The following STK32B variants were observed in gnomAD, a reference collection of about 807,000 sequenced individuals.
STK32B encodes serine/threonine kinase 32B.
Under a neutral mutation model 52.6 loss-of-function variants are expected in STK32B, and 43 were observed. The observed-to-expected ratio is 0.82, with a 90% CI of 0.64 to 1.05. STK32B has a LOEUF of 1.05. STK32B is among the 50% of genes least tolerant of loss of function. The pLI, the probability that STK32B is intolerant of heterozygous loss-of-function variation, is 0.00. For synonymous variants in STK32B, 238 were observed against 204.3 expected (o/e 1.17, Z -1.41); for missense variants, 621 against 534.6 (o/e 1.16, Z -1.59).
chr4:5,395,036 T>C lies in STK32B; in HGVS notation c.435-3171T>C, dbSNP rs1736798196. 6.6e-6 allele frequency among the ~76,000 whole-genome samples: 1 copy of C among 152,150 alleles called. No homozygotes were observed. Among genetic ancestry groups the C allele is most frequent in the Admixed American group, 6.5e-5 (1 of 15,274 alleles). On this transcript the variant is annotated intron_variant, in intron 4 of 11. Coordinates refer to ENST00000282908, the MANE Select transcript of STK32B (RefSeq NM_018401.3). This position sits in a 1 kb window ranked among gnomAD's most constrained non-coding sequence, Gnocchi z 4.4. The stretch of plus-strand genomic sequence containing the variant: ...GGGGTGGGGTTCTCTCCCAGGCTCT[T>C]GTGGTTGTTGGCAGATTTCAGCTCT...
At chr4:5,049,882 C>T (rs563789881), upstream of STK32B, among the ~76,000 whole-genome samples, 8 of 152,256 alleles carry the variant, frequency 5.3e-5, no homozygotes, top group South Asian at 1.3e-3. Flanking sequence ...CCCCCACGCC[C>T]GGCCTAGCAC....
chr4:5,190,807 T>C (rs979462836), intron 3 of STK32B, among the ~76,000 whole-genome samples: 1 of 152,042 alleles, frequency 6.6e-6, no homozygotes, highest in Non-Finnish European at 1.5e-5. Flanking sequence ...TTTGTGACAT[T>C]GGACACTCGG....
chr4:5,151,703 T>A (rs1055943098), intron 2 of STK32B, among the ~76,000 whole-genome samples: 7 of 152,196 alleles, frequency 4.6e-5, no homozygotes, highest in African/African-American at 1.2e-4. Flanking sequence ...CAATTTAGAT[T>A]TTGGAGTCAG....
chr4:5,318,673 G>C (rs949871780), intron 3 of STK32B, among the ~76,000 whole-genome samples: 3 of 152,120 alleles, frequency 2.0e-5, no homozygotes, highest in African/African-American at 7.2e-5. Flanking sequence ...AGGTACACAG[G>C]TATGAGAGAG....
At position 5,399,541 on chromosome 4, in the gene STK32B, C is replaced by G. The variant is rs912112685; in HGVS notation, c.472+1297C>G. Among the ~76,000 whole-genome samples the G allele has an allele frequency of 6.6e-6, 1 of 152,112 alleles. No individual in the cohort carries two copies. Among genetic ancestry groups the G allele is most frequent in the Admixed American group, 6.5e-5 (1 of 15,270 alleles). On this transcript the variant is annotated intron_variant, in intron 5 of 11. Transcript: ENST00000282908. This position sits in a 1 kb window ranked among gnomAD's most constrained non-coding sequence, Gnocchi z 5.4. ...CCTGAATGGAAGGTCAGCAGCAGCC[C>G]CAAGATGCCTGGGGCATGGACAGAG...
rs1714464315 is a variant in STK32B, at chr4:5,439,318, C to T, written c.563-7355C>T. ...TTCTAACTGGTGTGAGATGGTATTTCATTGTGGTTTGGATTTGCATTTCTC... is the reference window on the plus strand; with the variant it reads ...TTCTAACTGGTGTGAGATGGTATTTTATTGTGGTTTGGATTTGCATTTCTC... On this transcript the variant is annotated intron_variant, in intron 6 of 11. Transcript: ENST00000282908. 2.0e-5 allele frequency among the ~76,000 whole-genome samples: 3 copies of T among 151,608 alleles called. No individual in the cohort carries two copies. The South Asian group carries it at 6.2e-4, about 32-fold the overall frequency.
At chr4:5,181,582 A>G (rs993829672) in intron 3 of STK32B, among the ~76,000 whole-genome samples, 1 of 152,272 alleles carries the variant, frequency 6.6e-6, no homozygotes, top group African/African-American at 2.4e-5. Context: ...GTATCAGAAC[A>G]CAACAAAGCA....
intron 3 of STK32B, among the ~76,000 whole-genome samples, chr4:5,248,983 C>T (rs945635051): frequency 8.6e-5 from 13 of 151,732 alleles, no homozygotes; most frequent in African/African-American, 2.9e-4. Context: ...ATGTAAAGGA[C>T]GAGTTAATGG....
At chr4:5,032,729 T>A in the STK32B span, among the ~76,000 whole-genome samples, 3 of 152,130 alleles carry the variant, frequency 2.0e-5, no homozygotes, top group African/African-American at 7.2e-5. Flanking sequence ...ATCACCACCA[T>A]CTACCTCTAG....
At chr4:5,114,348 GACCCA>G (rs1192809945) in intron 1 of STK32B, among the ~76,000 whole-genome samples, 5 of 151,880 alleles carry the variant, frequency 3.3e-5, no homozygotes, top group Non-Finnish European at 5.9e-5. Context: ...AACCTTCCTG[GACCCA>G]GATGTATTTC....
chr4:5,340,011 C>G (rs936322603), intron 4 of STK32B, among the ~76,000 whole-genome samples: 2 of 152,180 alleles, frequency 1.3e-5, no homozygotes, highest in Non-Finnish European at 2.9e-5. Context: ...AGGGCATAGC[C>G]TAGTGACTTC....
intron 1 of STK32B, among the ~76,000 whole-genome samples, chr4:5,065,310 T>C (rs968196485): frequency 4.6e-5 from 7 of 152,174 alleles, no homozygotes; most frequent in Non-Finnish European, 1.0e-4. Context: ...CTAGTCTCTC[T>C]AGGGCTGAGG....
chr4:5,191,093 C>T (rs1484426032), intron 3 of STK32B, among the ~76,000 whole-genome samples: 2 of 152,198 alleles, frequency 1.3e-5, no homozygotes, highest in Non-Finnish European at 1.5e-5. Flanking sequence ...CCTTTTCCTT[C>T]TCTGGCCCTC....
chr4:5,298,581 A>C (rs1291379072), intron 3 of STK32B, among the ~76,000 whole-genome samples: 1 of 152,074 alleles, frequency 6.6e-6, no homozygotes, highest in African/African-American at 2.4e-5. Context: ...CTTTGTTTAC[A>C]CTGTGAGGGA....
At chr4:5,436,746 G>A in intron 6 of STK32B, 1 of 921,352 alleles carries the variant, frequency 1.1e-6, no homozygotes, top group African/African-American at 1.8e-5. Context: ...GAACCTAGGA[G>A]TCAGGACCAA....
chr4:5,210,513 C>T (rs931305999), intron 3 of STK32B, among the ~76,000 whole-genome samples: 2 of 152,198 alleles, frequency 1.3e-5, no homozygotes, highest in African/African-American at 4.8e-5. Flanking sequence ...GAAGACAAAC[C>T]TGCACTGTTG....
intron 1 of STK32B, among the ~76,000 whole-genome samples, chr4:5,088,481 G>A (rs1164016928): frequency 6.6e-6 from 1 of 152,008 alleles, no homozygotes; most frequent in Non-Finnish European, 1.5e-5. Flanking sequence ...TAACTCAAAG[G>A]ATAAATACTT....
chr4:5,228,555 C>T (rs913076114), intron 3 of STK32B, among the ~76,000 whole-genome samples: 1 of 152,058 alleles, frequency 6.6e-6, no homozygotes, highest in Non-Finnish European at 1.5e-5. Context: ...CTTGTTTTTT[C>T]TGTATTTAAC....
intron 4 of STK32B, among the ~76,000 whole-genome samples, chr4:5,393,201 C>T (rs759185803): frequency 2.0e-5 from 3 of 152,176 alleles, no homozygotes; most frequent in Non-Finnish European, 4.4e-5. Context: ...TCATCCTTCC[C>T]TAGTGCCTGT....
Sources: allele counts gnomAD v4.1 joint callset (sites outside exome capture counted in the v4.1 genomes callset), GRCh38; gene constraint gnomAD v4.1.1; non-coding constraint Gnocchi (gnomAD v3.1); transcripts MANE v1.5; gene names NCBI Gene and HGNC (gene_info 2026-07-23, HGNC 2026-07-21).